Variants in SLC6A20 observed in about 807,000 individuals in gnomAD.
The protein encoded by SLC6A20 is sodium- and chloride-dependent transporter XTRP3.
Under a neutral mutation model 64.3 loss-of-function variants are expected in SLC6A20, and 73 were observed. That is an observed-to-expected ratio of 1.14 (90% CI 0.94 to 1.38). The LOEUF is 1.38. SLC6A20 is among the 40% of genes most tolerant of loss of function. The pLI, the probability that SLC6A20 is intolerant of heterozygous loss-of-function variation, is 0.00. For missense variants in SLC6A20, 725 were observed against 772.8 expected (o/e 0.94, Z 0.73); for synonymous variants, 347 against 329.6 (o/e 1.05, Z -0.57).
chr3:45,768,761 C>T (rs1031313259), intron 7 of SLC6A20, among the ~76,000 whole-genome samples: 3 of 152,182 alleles, frequency 2.0e-5, no homozygotes, highest in Admixed American at 6.5e-5. Context: ...TACTAGCAAC[C>T]AGAGCCACAG....
rs940006868 is a variant in SLC6A20, at chr3:45,765,443, A to G, written c.1303+94T>C. The stretch of plus-strand genomic sequence containing the variant: ...GCTGCAACCCCCTGTAGCCACCTGA[A>G]CCAGCCCATGACCCCTGAGGGAGCT... On this transcript the variant is annotated intron_variant, in intron 8 of 10. Coordinates refer to ENST00000358525, the MANE Select transcript of SLC6A20 (RefSeq NM_020208.4). This position sits in a 1 kb window ranked among gnomAD's most constrained non-coding sequence, Gnocchi z 4.2. 6 of 1,420,168 alleles carry G rather than the reference A, an allele frequency of 4.2e-6. No homozygotes were observed. The African/African-American group carries it at 7.1e-5, about 17-fold the overall frequency. 88.0% of individuals were successfully genotyped at this position (1,420,168 alleles called of 1,614,324 possible).
At chr3:45,770,897 T>A (rs963838321) in intron 6 of SLC6A20, among the ~76,000 whole-genome samples, 3 of 152,242 alleles carry the variant, frequency 2.0e-5, no homozygotes, top group Admixed American at 6.5e-5. Flanking sequence ...AGAAAGTGAA[T>A]CCTGCAATCT....
rs1195486061 is a variant in SLC6A20, at chr3:45,757,400, A to C, written c.*1578T>G. 6.6e-6 allele frequency: 1 copy of C among 152,196 alleles called. No homozygotes were observed. The highest frequency in any genetic ancestry group is 2.4e-5 in the African/African-American group (1 of 41,422). 9.4% of individuals were successfully genotyped at this position (152,196 alleles called of 1,614,324 possible). A position where few individuals can be genotyped will look rare whatever the true frequency, so the allele number is the denominator to read the frequency against. Reference sequence around the variant, plus strand: ...GGGGGGGAAACCTTGGACAATACCCAGGCTTTCTTGGGCAGAGGTCCCTGC... The same window carrying C: ...GGGGGGGAAACCTTGGACAATACCCCGGCTTTCTTGGGCAGAGGTCCCTGC... On this transcript the variant is annotated 3_prime_UTR_variant, in exon 11 of 11. Transcript: ENST00000358525.
rs200906511 is a variant in SLC6A20 at position 45,780,163 on chromosome 3, A to AG, written c.263-64dup. 451 of 1,499,842 alleles carry AG rather than the reference A, an allele frequency of 3.0e-4. 1 individual carries two copies. In the African/African-American group the frequency reaches 5.1e-3, roughly 17 times the overall value. 92.9% of individuals were successfully genotyped at this position (1,499,842 alleles called of 1,614,324 possible). On this transcript the variant is annotated intron_variant, in intron 2 of 10. Transcript: ENST00000358525. The stretch of plus-strand genomic sequence containing the variant: ...TGGCCCTTCCCCCTCCGCCAGGCCC[A>AG]GCGTGTGCTCCCAGGACACACCTGT...
At chr3:45,759,818 A>G (rs377411754) in intron 10 of SLC6A20, 39 bp downstream of exon 10, 4 of 1,576,540 alleles carry the variant, frequency 2.5e-6, no homozygotes, top group Middle Eastern at 1.7e-4. Flanking sequence ...TTCAGTGGCC[A>G]TGGGGGCCCA....
In SLC6A20 at chr3:45,765,402, G is replaced by T; in HGVS notation, c.1303+135C>A. The T allele has an allele frequency of 1.1e-6, 1 of 877,896 alleles. No homozygotes were observed. The highest frequency in any genetic ancestry group is 1.8e-6 in the Non-Finnish European group (1 of 570,960). The allele number at this position is 877,896 out of a possible 1,614,324, so 54.4% of individuals were successfully genotyped here. A position where few individuals can be genotyped will look rare whatever the true frequency, so the allele number is the denominator to read the frequency against. On this transcript the variant is annotated intron_variant, in intron 8 of 10. Transcript: ENST00000358525. The surrounding 1 kb of genome is among the most constrained non-coding windows in gnomAD (Gnocchi z 4.2). Reference sequence around the variant, plus strand: ...TCCCAGGTTGTGAGAAGACATGGCAGGACCGTGGTGAGGTGGCTGCAACCC... The same window carrying T: ...TCCCAGGTTGTGAGAAGACATGGCATGACCGTGGTGAGGTGGCTGCAACCC...
intron 1 of SLC6A20, chr3:45,791,721 T>G (rs1484076340): frequency 6.4e-6 from 1 of 156,610 alleles, no homozygotes; most frequent in African/African-American, 2.4e-5. Flanking sequence ...TAGGCACGTC[T>G]TACATGACTG....
At chr3:45,779,337 A>G (rs1700029470) in intron 3 of SLC6A20, among the ~76,000 whole-genome samples, 1 of 152,216 alleles carries the variant, frequency 6.6e-6, no homozygotes, top group African/African-American at 2.4e-5. Context: ...CTTGTCCTGA[A>G]TGTACACCAG....
chr3:45,767,367 A>C (rs1699793983), intron 7 of SLC6A20, among the ~76,000 whole-genome samples: 4 of 152,248 alleles, frequency 2.6e-5, no homozygotes, highest in Non-Finnish European at 5.9e-5. Context: ...TGGACAAGTA[A>C]ATCTGAAAAA....
chr3:45,759,197 C>T lies in SLC6A20; in HGVS notation c.1630-70G>A, dbSNP rs560743074. 65 of 1,469,812 alleles carry T rather than the reference C, an allele frequency of 4.4e-5. No homozygotes were observed. The highest frequency in any genetic ancestry group is 1.4e-4 in the Admixed American group (7 of 48,380). The allele number at this position is 1,469,812 out of a possible 1,614,324, so 91.0% of individuals were successfully genotyped here. ...CTGCCCCTGGGCCTCAGGGCCCATCCGTGATGGGGAGGTGATGTGACGTGG... is the reference window on the plus strand; with the variant it reads ...CTGCCCCTGGGCCTCAGGGCCCATCTGTGATGGGGAGGTGATGTGACGTGG... On this transcript the variant is annotated intron_variant, in intron 10 of 10. Transcript: ENST00000358525.
rs753450016 is a variant in SLC6A20 at position 45,782,100 on chromosome 3, G to T, written c.245C>A (p.Pro82Gln). ...CCACGTACCGACACCACTGAGGTACGGGCTGATGGTCCTCCAGGCGCCGAT... is the reference window on the plus strand; with the variant it reads ...CCACGTACCGACACCACTGAGGTACTGGCTGATGGTCCTCCAGGCGCCGAT... ...GSIGAWRTIS[P>Q]YLSGVGVASV... Residue 82 changes from proline (P) to glutamine (Q), a missense_variant, in exon 2 of 11, where the codon CCG becomes CAG. By Grantham distance (76) the Pro-to-Gln change is moderately conservative. Coordinates refer to ENST00000358525, the MANE Select transcript of SLC6A20 (RefSeq NM_020208.4). 16 of 1,611,762 alleles carry T rather than the reference G, an allele frequency of 9.9e-6. No individual in the cohort carries two copies. The highest frequency in any genetic ancestry group is 1.3e-5 in the Non-Finnish European group (15 of 1,179,046).
rs3733104 is a variant in SLC6A20 at position 45,771,158 on chromosome 3, C to A, written c.935+59G>T. The A allele has an allele frequency of 3.2e-3, 5,153 of 1,606,204 alleles. 125 individuals carry two copies. The African/African-American group carries it at 0.053, about 17-fold the overall frequency. On this transcript the variant is annotated intron_variant, in intron 6 of 10. Transcript: ENST00000358525. ...CACTTTGCCCCAGCCCTTGCCCAGG[C>A]GACCCTTCAGCTCAGAGCTCAGGGA...
At chr3:45,783,154 T>A (rs72893638) in intron 1 of SLC6A20, among the ~76,000 whole-genome samples, 2,922 of 152,258 alleles carry the variant, frequency 0.019, 96 homozygotes, top group African/African-American at 0.065. Flanking sequence ...GCAACTCTGC[T>A]CCCTGCCCTT....
chr3:45,794,118 C>A (rs1422020035), intron 1 of SLC6A20, among the ~76,000 whole-genome samples: 1 of 152,104 alleles, frequency 6.6e-6, no homozygotes, highest in African/African-American at 2.4e-5. Context: ...GAGAGCACAA[C>A]GGAGAGAAAG....
intron 3 of SLC6A20, among the ~76,000 whole-genome samples, chr3:45,779,291 C>G (rs936485429): frequency 2.6e-5 from 4 of 152,154 alleles, no homozygotes; most frequent in African/African-American, 9.7e-5. Flanking sequence ...AGCCAGGTAA[C>G]AGAAATGAGC....
Position 45,785,476 on chromosome 3 carries a change from A to G in SLC6A20, c.122-3253T>C, listed in dbSNP as rs555843335. ...AGCCTACATCTTTCTCCCGTGCTGGATGCTTCCTGCCGTTGAACATCGGAC... is the reference window on the plus strand; with the variant it reads ...AGCCTACATCTTTCTCCCGTGCTGGGTGCTTCCTGCCGTTGAACATCGGAC... On this transcript the variant is annotated intron_variant, in intron 1 of 10. Transcript: ENST00000358525. Among the ~76,000 whole-genome samples the G allele has an allele frequency of 2.2e-4, 33 of 152,256 alleles. No individual in the cohort carries two copies. The East Asian group carries it at 6.2e-3, about 28-fold the overall frequency.
chr3:45,782,077 A>G lies in SLC6A20; in HGVS notation c.262+6T>C. ...GGTGGGAGAGGACTGGAGGGGCCCC[A>G]CGTACCGACACCACTGAGGTACGGG... On this transcript the variant is annotated splice_donor_region_variant and intron_variant, in intron 2 of 10. Coordinates refer to ENST00000358525, the MANE Select transcript of SLC6A20 (RefSeq NM_020208.4). 1.3e-6 allele frequency: 2 copies of G among 1,599,808 alleles called. No homozygotes were observed. The highest frequency in any genetic ancestry group is 1.1e-5 in the South Asian group (1 of 88,622).
chr3:45,764,965 C>T (rs1288859930), intron 8 of SLC6A20, among the ~76,000 whole-genome samples: 1 of 151,966 alleles, frequency 6.6e-6, no homozygotes, highest in African/African-American at 2.4e-5. Flanking sequence ...GTAATCCCAG[C>T]ACTTTCGGAG....
intron 7 of SLC6A20, among the ~76,000 whole-genome samples, chr3:45,768,002 C>A (rs1699802818): frequency 1.3e-5 from 2 of 152,082 alleles, no homozygotes; most frequent in African/African-American, 4.8e-5. Flanking sequence ...TAAGGAAAAA[C>A]CTTTGGAGAT....
Sources: allele counts gnomAD v4.1 joint callset (sites outside exome capture counted in the v4.1 genomes callset), GRCh38; gene constraint gnomAD v4.1.1; non-coding constraint Gnocchi (gnomAD v3.1); transcripts MANE v1.5; gene names NCBI Gene and HGNC (gene_info 2026-07-23, HGNC 2026-07-21).